The following GLDC variants were observed in gnomAD, a reference collection of about 807,000 sequenced individuals.
GLDC encodes the protein glycine dehydrogenase (decarboxylating), mitochondrial.
A neutral mutation model predicts 121.3 loss-of-function variants in GLDC; 104 were observed. The ratio of observed to expected loss-of-function variants is 0.86; its 90% confidence interval spans 0.73 to 1.01. The LOEUF is 1.01. Among genes scored for constraint, GLDC ranks in the 50% least tolerant of loss-of-function variants. The pLI, the probability that GLDC is intolerant of heterozygous loss-of-function variation, is 0.00. For synonymous variants in GLDC, 546 were observed against 480.6 expected (o/e 1.14, Z -1.78); for missense variants, 1,429 against 1,306.6 (o/e 1.09, Z -1.44).
chr9:6,538,285 G>C (rs745610977), intron 22 of GLDC, among the ~76,000 whole-genome samples: 1 of 152,070 alleles, frequency 6.6e-6, no homozygotes, highest in Non-Finnish European at 1.5e-5. Flanking sequence ...GGAAGTCCAA[G>C]GTAGGGTCCA....
chr9:6,582,084 G>A (rs563182765), intron 15 of GLDC, among the ~76,000 whole-genome samples: 3 of 151,564 alleles, frequency 2.0e-5, no homozygotes, highest in Admixed American at 6.6e-5. Flanking sequence ...GTGTGGTAGC[G>A]GGCACCTGTA....
intron 4 of GLDC, among the ~76,000 whole-genome samples, chr9:6,609,273 A>T (rs1439081998): frequency 6.6e-6 from 1 of 152,222 alleles, no homozygotes; most frequent in African/African-American, 2.4e-5. Flanking sequence ...TTTGACAAAG[A>T]TTTATTATAA....
intron 15 of GLDC, among the ~76,000 whole-genome samples, chr9:6,582,764 C>T (rs1381050000): frequency 6.9e-6 from 1 of 145,836 alleles, no homozygotes; most frequent in Non-Finnish European, 1.5e-5. Context: ...GGGAGGCGAT[C>T]GTTGCAGTGA....
chr9:6,596,883 T>G (rs1043988611), intron 8 of GLDC, among the ~76,000 whole-genome samples: 2 of 152,204 alleles, frequency 1.3e-5, no homozygotes, highest in Non-Finnish European at 2.9e-5. Flanking sequence ...ATTTCACTGC[T>G]AGGAATATAA....
chr9:6,645,715 T>A lies in GLDC; in HGVS notation c.-216A>T, dbSNP rs907651358. The A allele has an allele frequency of 4.4e-5, 13 of 298,678 alleles. No homozygotes were observed. The highest frequency in any genetic ancestry group is 6.6e-5 in the Non-Finnish European group (11 of 166,316). 18.5% of individuals were successfully genotyped at this position (298,678 alleles called of 1,614,324 possible). A position where few individuals can be genotyped will look rare whatever the true frequency, so the allele number is the denominator to read the frequency against. On this transcript the variant is annotated 5_prime_UTR_variant, in exon 1 of 25. Transcript: ENST00000321612. ...AAGTTGTGGCTCCACCCAAGGCACC[T>A]GCTCCGCACACTTTAAGCGGCGCCC...
At chr9:6,644,166 C>G (rs1157202595) in intron 2 of GLDC, among the ~76,000 whole-genome samples, 4 of 151,142 alleles carry the variant, frequency 2.6e-5, no homozygotes, top group Non-Finnish European at 5.9e-5. Context: ...GAAGATACTG[C>G]GATCTAAAGA....
chr9:6,552,513 G>A (rs370403191), intron 20 of GLDC, among the ~76,000 whole-genome samples: 16 of 152,100 alleles, frequency 1.1e-4, no homozygotes, highest in South Asian at 2.1e-4. Flanking sequence ...GAATTGTTCC[G>A]GCTTCCAAGA....
chr9:6,543,952 C>T (rs1817329246), intron 21 of GLDC, among the ~76,000 whole-genome samples: 2 of 152,040 alleles, frequency 1.3e-5, no homozygotes. Context: ...TGGGAACCAC[C>T]GCCCCCATAT....
chr9:6,629,929 C>CTATATATATATATG (rs60994714), intron 2 of GLDC, among the ~76,000 whole-genome samples: 15,901 of 100,668 alleles, frequency 0.16, 1,890 homozygotes, highest in East Asian at 0.34. Flanking sequence ...TTGCTTTTCA[C>CTATATATATATATG]TATATATATA....
chr9:6,636,876 G>C (rs1381357463), intron 2 of GLDC, among the ~76,000 whole-genome samples: 1 of 152,004 alleles, frequency 6.6e-6, no homozygotes, highest in Admixed American at 6.6e-5. Flanking sequence ...TTGAGGTCAG[G>C]AGTTCAAGAC....
At position 6,595,035 on chromosome 9, in the gene GLDC, C is replaced by T. The variant is rs767038871; in HGVS notation, c.1240G>A (p.Ala414Thr). 6.2e-7 allele frequency: 1 copy of T among 1,602,702 alleles called. No homozygotes were observed. The highest frequency in any genetic ancestry group is 1.1e-5 in the South Asian group (1 of 90,850). ...TCACCTTCTGACAAAATCAAAGTGGCATTATGTACCCTCCTAGCAATATGC... is the reference window on the plus strand; with the variant it reads ...TCACCTTCTGACAAAATCAAAGTGGTATTATGTACCCTCCTAGCAATATGC... ...LEHIARRVHN[A>T]TLILSEGLKR... The change falls in exon 9 of 25, where the codon GCC (alanine) becomes ACC (threonine). Residue 414 changes from alanine to threonine, a missense_variant. By Grantham distance (58) the Ala-to-Thr change is moderately conservative (BLOSUM62 0). Transcript: ENST00000321612.
At chr9:6,621,932 C>T (rs970764806) in intron 2 of GLDC, among the ~76,000 whole-genome samples, 3 of 152,154 alleles carry the variant, frequency 2.0e-5, no homozygotes, top group Non-Finnish European at 2.9e-5. Context: ...AGGCAAATGG[C>T]TGTCTTCTTT....
intron 15 of GLDC, 97 bp from the exon 16 acceptor site, chr9:6,565,526 C>G (rs567465443): frequency 1.2e-5 from 11 of 890,268 alleles, no homozygotes; most frequent in Non-Finnish European, 1.9e-5. Flanking sequence ...TTCACCAGCA[C>G]GTGACACATG....
At chr9:6,558,784 C>T (rs1279794359) in intron 16 of GLDC, 100 bp from the exon 17 acceptor site, 2 of 1,242,690 alleles carry the variant, frequency 1.6e-6, no homozygotes, top group Admixed American at 3.6e-5. Context: ...AAATTAGACA[C>T]CACCTGTTTT....
At chr9:6,637,918 G>A (rs934424811) in intron 2 of GLDC, among the ~76,000 whole-genome samples, 2 of 150,410 alleles carry the variant, frequency 1.3e-5, no homozygotes, top group East Asian at 2.0e-4. Flanking sequence ...TGAACTACTC[G>A]GCTCAAGCAA....
chr9:6,644,285 TCA>T (rs1819692884), intron 2 of GLDC, among the ~76,000 whole-genome samples: 1 of 151,788 alleles, frequency 6.6e-6, no homozygotes, highest in Non-Finnish European at 1.5e-5. Flanking sequence ...ATGACACCTC[TCA>T]ACCCAAAGTA....
chr9:6,533,030 C>A lies in GLDC; in HGVS notation c.3050G>T (p.Arg1017Met), dbSNP rs1294726700. The A allele has an allele frequency of 1.6e-5, 25 of 1,611,444 alleles. No homozygotes were observed. The highest frequency in any genetic ancestry group is 2.1e-5 in the Non-Finnish European group (25 of 1,177,734). ...VYESPFSEQKRASS is the reference protein window; with the variant it reads ...VYESPFSEQKMASS ...AGGGACAGAGGACTAAGAAGACGCC[C>A]TCTTTTGTTCAGAAAATGGAGACTC... Residue 1017 changes from arginine to methionine, a missense_variant, in exon 25 of 25, where the codon AGG becomes ATG. By Grantham distance (91) the Arg-to-Met change is moderately conservative. Transcript: ENST00000321612.
intron 15 of GLDC, among the ~76,000 whole-genome samples, chr9:6,585,505 C>T (rs200663852): frequency 1.9e-4 from 29 of 152,316 alleles, no homozygotes; most frequent in South Asian, 4.1e-4. Flanking sequence ...GACTTTAAGA[C>T]GCAATTGAGA....
chr9:6,600,094 C>T (rs561341662), intron 8 of GLDC, among the ~76,000 whole-genome samples: 1 of 152,276 alleles, frequency 6.6e-6, no homozygotes, highest in South Asian at 2.1e-4. Context: ...TGGCCAGGCA[C>T]GGTGGCTCAT....
Sources: allele counts gnomAD v4.1 joint callset (sites outside exome capture counted in the v4.1 genomes callset), GRCh38; gene constraint gnomAD v4.1.1; transcripts MANE v1.5; gene names NCBI Gene and HGNC (gene_info 2026-07-23, HGNC 2026-07-21).